The following ATRNL1 variants were observed in gnomAD, a reference collection of about 807,000 sequenced individuals.
ATRNL1 encodes attractin like 1.
ATRNL1 carries 95 observed loss-of-function variants against 182.7 expected under a neutral mutation model. The observed-to-expected ratio is 0.52, with a 90% confidence interval of 0.44 to 0.62. The LOEUF is 0.62. Among genes scored for constraint, ATRNL1 ranks in the 20% least tolerant of loss-of-function variants. The probability of loss-of-function intolerance (pLI) is 0.00; values close to 1 mark genes in which losing one functional copy is unlikely to be tolerated. For missense variants in ATRNL1, 1,471 were observed against 1,679.5 expected (o/e 0.88, Z 2.17); for synonymous variants, 576 against 568.3 (o/e 1.01, Z -0.19).
At chr10:115,482,848 G>A (rs537636682) in intron 24 of ATRNL1, among the ~76,000 whole-genome samples, 1 of 151,070 alleles carries the variant, frequency 6.6e-6, no homozygotes, top group East Asian at 1.9e-4. Flanking sequence ...AGAGGTGAAG[G>A]TCTTAAATAT....
chr10:115,482,780 C>T (rs889295469), intron 24 of ATRNL1, among the ~76,000 whole-genome samples: 3 of 151,016 alleles, frequency 2.0e-5, no homozygotes, highest in Non-Finnish European at 3.0e-5. Context: ...TATACAAAAG[C>T]GGACTTTATT....
chr10:115,103,442 T>A (rs936044033), intron 1 of ATRNL1, among the ~76,000 whole-genome samples: 1 of 152,212 alleles, frequency 6.6e-6, no homozygotes, highest in African/African-American at 2.4e-5. Flanking sequence ...TTTAAAAAAA[T>A]AATCAGGGAA....
intron 26 of ATRNL1, among the ~76,000 whole-genome samples, chr10:115,686,055 A>T (rs1555046230): frequency 6.6e-6 from 1 of 151,720 alleles, no homozygotes. Context: ...TAGGAAAATT[A>T]GAACAATGTT....
intron 9 of ATRNL1, among the ~76,000 whole-genome samples, chr10:115,230,963 A>G (rs1849924277): frequency 6.6e-6 from 1 of 151,016 alleles, no homozygotes; most frequent in African/African-American, 2.4e-5. Context: ...ATTTGGCTTG[A>G]AGACCTGAAA....
At chr10:115,901,572 C>G (rs1180297209) in intron 28 of ATRNL1, among the ~76,000 whole-genome samples, 3 of 151,876 alleles carry the variant, frequency 2.0e-5, no homozygotes, top group South Asian at 2.1e-4. Flanking sequence ...CCCTTTGTCT[C>G]ATTTCTCACT....
intron 26 of ATRNL1, among the ~76,000 whole-genome samples, chr10:115,621,311 AGAGT>A (rs782333913): frequency 0.13 from 11,803 of 92,354 alleles, 848 homozygotes; most frequent in Non-Finnish European, 0.17. Flanking sequence ...AGAGAGAGAG[AGAGT>A]GTGTGAGTGA....
chr10:115,542,026 G>C (rs564005496), intron 25 of ATRNL1, among the ~76,000 whole-genome samples: 1 of 152,140 alleles, frequency 6.6e-6, no homozygotes, highest in African/African-American at 2.4e-5. Flanking sequence ...AACATTTAAT[G>C]TAGGAAGAAA....
intron 28 of ATRNL1, among the ~76,000 whole-genome samples, chr10:115,874,059 T>A (rs1951644677): frequency 6.6e-6 from 1 of 152,154 alleles, no homozygotes; most frequent in African/African-American, 2.4e-5. Flanking sequence ...TTTCACTGTT[T>A]CCATCTTCAT....
chr10:115,428,888 A>C (rs1383384836), intron 21 of ATRNL1, among the ~76,000 whole-genome samples: 1 of 152,100 alleles, frequency 6.6e-6, no homozygotes, highest in Non-Finnish European at 1.5e-5. Flanking sequence ...TTGTATGATA[A>C]GCTTTTGCTT....
intron 10 of ATRNL1, among the ~76,000 whole-genome samples, chr10:115,253,916 G>T (rs1261580847): frequency 5.3e-5 from 8 of 152,084 alleles, no homozygotes; most frequent in Admixed American, 5.2e-4. Context: ...ATAGTTTGCT[G>T]AGAATGATGG....
intron 27 of ATRNL1, among the ~76,000 whole-genome samples, chr10:115,792,646 C>T (rs1220047608): frequency 6.6e-6 from 1 of 151,964 alleles, no homozygotes; most frequent in Non-Finnish European, 1.5e-5. Context: ...CATAGATAGT[C>T]TAGAAGCTCT....
intron 28 of ATRNL1, among the ~76,000 whole-genome samples, chr10:115,908,937 G>A (rs1179143187): frequency 6.6e-6 from 1 of 152,082 alleles, no homozygotes; most frequent in Non-Finnish European, 1.5e-5. Flanking sequence ...GACCCTTGGT[G>A]GGCAGAGCAG....
intron 20 of ATRNL1, among the ~76,000 whole-genome samples, chr10:115,399,133 A>G (rs1328900546): frequency 2.6e-5 from 4 of 152,094 alleles, no homozygotes; most frequent in Admixed American, 6.6e-5. Flanking sequence ...TTTTGCATCA[A>G]TGTTCATCCA....
At chr10:115,931,698 A>G (rs1416433613) in intron 28 of ATRNL1, among the ~76,000 whole-genome samples, 1 of 152,226 alleles carries the variant, frequency 6.6e-6, no homozygotes, top group East Asian at 1.9e-4. Context: ...CGAAGAAAAC[A>G]AAGTTTTCCA....
intron 24 of ATRNL1, among the ~76,000 whole-genome samples, chr10:115,497,386 G>A (rs562535831): frequency 1.2e-4 from 19 of 152,286 alleles, no homozygotes; most frequent in Admixed American, 2.6e-4. Context: ...AGATATGTGA[G>A]TCCATGGGGA....
At chr10:115,309,106 T>C (rs150594350) in intron 17 of ATRNL1, among the ~76,000 whole-genome samples, 1 of 152,240 alleles carries the variant, frequency 6.6e-6, no homozygotes, top group African/African-American at 2.4e-5. Context: ...TTCTGTTCCA[T>C]TTTTCTGTGT....
chr10:115,943,469 A>G (rs1953788371), intron 28 of ATRNL1, among the ~76,000 whole-genome samples: 1 of 152,212 alleles, frequency 6.6e-6, no homozygotes, highest in African/African-American at 2.4e-5. Flanking sequence ...AACAACTGCA[A>G]GATACTGCCA....
At chr10:115,381,788 G>A (rs1202382115) in intron 19 of ATRNL1, among the ~76,000 whole-genome samples, 3 of 151,896 alleles carry the variant, frequency 2.0e-5, no homozygotes, top group South Asian at 2.1e-4. Flanking sequence ...AGGTCACAAC[G>A]TTTTATTCAT....
At chr10:115,304,978 C>T (rs147417127) in intron 17 of ATRNL1, among the ~76,000 whole-genome samples, 1 of 151,884 alleles carries the variant, frequency 6.6e-6, no homozygotes, top group East Asian at 1.9e-4. Context: ...CTCCTTTTTT[C>T]TCTATCTGCC....
Sources: allele counts gnomAD v4.1 joint callset (sites outside exome capture counted in the v4.1 genomes callset), GRCh38; gene constraint gnomAD v4.1.1; transcripts MANE v1.5; gene names NCBI Gene and HGNC (gene_info 2026-07-23, HGNC 2026-07-21).